The following DIP2C variants were observed in gnomAD, a reference collection of about 807,000 sequenced individuals.
DIP2C encodes disco-interacting protein 2 homolog C.
DIP2C carries 33 observed loss-of-function variants against 192.4 expected under a neutral mutation model. The ratio of observed to expected loss-of-function variants is 0.17; its 90% CI spans 0.13 to 0.23. The LOEUF is 0.23. Ranked by LOEUF, DIP2C falls within the 10% of genes least tolerant of loss-of-function variation. The pLI is 1.00. For synonymous variants in DIP2C, 979 were observed against 864.1 expected, an observed-to-expected ratio of 1.13 and a Z score of -2.33; for missense variants, 1,537 against 2,110.1, an observed-to-expected ratio of 0.73 and a Z score of 5.32.
chr10:625,380 A>C (rs1014354849), intron 1 of DIP2C, among the ~76,000 whole-genome samples: 7 of 152,224 alleles, frequency 4.6e-5, no homozygotes, highest in Non-Finnish European at 8.8e-5. Flanking sequence ...GTAGGAGCCG[A>C]TTCCTAAATT....
At chr10:548,437 C>CGGGAGGGA (rs1848412613) in intron 1 of DIP2C, among the ~76,000 whole-genome samples, 4 of 107,146 alleles carry the variant, frequency 3.7e-5, no homozygotes, top group East Asian at 7.3e-4. Flanking sequence ...CGGAGGCCAC[C>CGGGAGGGA]GGGATGGAGG....
At chr10:370,138 A>G (rs1016263188) in intron 17 of DIP2C, 49 of 725,100 alleles carry the variant, frequency 6.8e-5, no homozygotes, top group Middle Eastern at 7.1e-4. Context: ...CGTATGCCCA[A>G]TTTTATAAGA....
At chr10:337,669 G>A (rs1355685166) in intron 29 of DIP2C, among the ~76,000 whole-genome samples, 8 of 144,470 alleles carry the variant, frequency 5.5e-5, no homozygotes, top group African/African-American at 1.5e-4. Context: ...GTGTGTACGC[G>A]TGTGTGTTGT....
intron 1 of DIP2C, among the ~76,000 whole-genome samples, chr10:578,288 AAC>A (rs1850308063): frequency 6.6e-6 from 1 of 152,352 alleles, no homozygotes; most frequent in Middle Eastern, 3.4e-3. Flanking sequence ...CATCATGAAG[AAC>A]ACAAGGCAGT....
At chr10:554,597 C>G (rs952612674) in intron 1 of DIP2C, among the ~76,000 whole-genome samples, 2 of 152,210 alleles carry the variant, frequency 1.3e-5, no homozygotes, top group Admixed American at 6.5e-5. Context: ...ACAGAAGGGG[C>G]AAGACCCCGG....
intron 1 of DIP2C, among the ~76,000 whole-genome samples, chr10:604,955 A>G (rs1018507442): frequency 2.0e-5 from 3 of 152,192 alleles, no homozygotes; most frequent in Admixed American, 6.5e-5. Flanking sequence ...ACTCAGCCCA[A>G]GGGTGCGGGG....
At chr10:585,407 A>AT (rs1163962192) in intron 1 of DIP2C, among the ~76,000 whole-genome samples, 1 of 152,246 alleles carries the variant, frequency 6.6e-6, no homozygotes, top group Non-Finnish European at 1.5e-5. Flanking sequence ...TCCACATAGT[A>AT]TTACATTCAG....
chr10:559,247 G>T (rs533149138), intron 1 of DIP2C, among the ~76,000 whole-genome samples: 1 of 151,720 alleles, frequency 6.6e-6, no homozygotes, highest in East Asian at 1.9e-4. Context: ...CCCTCGATCC[G>T]GGACCACAGA....
chr10:393,778 CAAAAAAAAAAAA>C (rs34390976), intron 10 of DIP2C, among the ~76,000 whole-genome samples: 6 of 66,734 alleles, frequency 9.0e-5, no homozygotes, highest in South Asian at 6.3e-4. Flanking sequence ...GACTCCGTCT[CAAAAAAAAAAAA>C]AAAAAAGAAA....
chr10:573,990 C>G (rs545324809), intron 1 of DIP2C, among the ~76,000 whole-genome samples: 3 of 152,330 alleles, frequency 2.0e-5, no homozygotes, highest in African/African-American at 4.8e-5. Flanking sequence ...CTCCCTGTCA[C>G]TTTCCTCAAC....
At chr10:597,742 T>C (rs1057380112) in intron 1 of DIP2C, among the ~76,000 whole-genome samples, 1 of 152,202 alleles carries the variant, frequency 6.6e-6, no homozygotes, top group Non-Finnish European at 1.5e-5. Context: ...TGTCCCTTCA[T>C]GTTTTTATAC....
rs11252281 is a variant in DIP2C at position 414,741 on chromosome 10, A to C, written c.860-631T>G. On this transcript the variant is annotated intron_variant, in intron 7 of 36. Coordinates refer to ENST00000280886, the MANE Select transcript of DIP2C (RefSeq NM_014974.3). The stretch of plus-strand genomic sequence containing the variant: ...TGTGTGTGTGTGTGTGTGTGTGTGT[A>C]CATATATATATATATAATGTGTATA... 4.8e-5 allele frequency among the ~76,000 whole-genome samples: 3 copies of C among 62,772 alleles called. 1 individual carries two copies. Among genetic ancestry groups the C allele is most frequent in the Non-Finnish European group, 8.3e-5 (3 of 36,166 alleles). The allele number at this position is 62,772 out of a possible 152,430, so 41.2% of individuals were successfully genotyped here.
rs757936534 is a variant in DIP2C, at chr10:419,047, C to G, written c.739+18G>C. ...AACCGTTTACCAGAAAAAAACGCAT[C>G]TCTCCTTTGGGACGTACCATCCCCG... On this transcript the variant is annotated intron_variant, in intron 6 of 36. Coordinates refer to ENST00000280886, the MANE Select transcript of DIP2C (RefSeq NM_014974.3). 2.5e-6 allele frequency: 4 copies of G among 1,614,216 alleles called. No individual in the cohort carries two copies. The highest frequency in any genetic ancestry group is 3.4e-6 in the Non-Finnish European group (4 of 1,180,014).
intron 1 of DIP2C, among the ~76,000 whole-genome samples, chr10:638,730 A>G (rs816575): frequency 0.95 from 144,381 of 152,256 alleles, 68,718 homozygotes; most frequent in South Asian, 0.99. Flanking sequence ...CAGGTTTGCC[A>G]GCATTGGAGC....
chr10:537,169 C>A (rs1327562161), intron 1 of DIP2C, among the ~76,000 whole-genome samples: 1 of 151,982 alleles, frequency 6.6e-6, no homozygotes, highest in Non-Finnish European at 1.5e-5. Flanking sequence ...GAGGCAAGGC[C>A]GTATGAAGGA....
rs74115047 is a variant in DIP2C, at chr10:540,406, T to G, written c.86-53876A>C. ...CTGAGATCACACAGAGCTTCCACCT[T>G]CCCACATCTTCAATAGTTCCTTTAC... On this transcript the variant is annotated intron_variant, in intron 1 of 36. Transcript: ENST00000280886. 6.6e-3 allele frequency among the ~76,000 whole-genome samples: 1,009 copies of G among 152,294 alleles called. 13 individuals are homozygous for G. The highest frequency in any genetic ancestry group is 0.023 in the African/African-American group (956 of 41,564).
Position 415,816 on chromosome 10 carries a change from G to T in DIP2C, c.812C>A (p.Pro271Gln), listed in dbSNP as rs1024082631. The T allele has an allele frequency of 6.2e-7, 1 of 1,613,758 alleles. No homozygotes were observed. Among genetic ancestry groups the T allele is most frequent in the Non-Finnish European group, 8.5e-7 (1 of 1,179,992 alleles). ...LVNTLKRPKR[P>Q]PLREFFVDDF... ...ATCGACAAAGAATTCTCGTAAAGGT[G>T]GTCGTTTCGGTCGTTTGAGGGTATT... The change falls in exon 7 of 37, where the codon CCA becomes CAA. Residue 271 changes from proline (P) to glutamine (Q), a missense_variant. Coordinates refer to ENST00000280886, the MANE Select transcript of DIP2C (RefSeq NM_014974.3).
In DIP2C at chr10:472,691, G is replaced by A. The variant is rs370836498; in HGVS notation, c.158-142C>T. The A allele has an allele frequency of 5.6e-6, 4 of 711,340 alleles. No individual in the cohort carries two copies. The Admixed American group carries it at 9.7e-5, about 17-fold the overall frequency. 44.1% of individuals were successfully genotyped at this position (711,340 alleles called of 1,614,324 possible). A position where few individuals can be genotyped will look rare whatever the true frequency, so the allele number is the denominator to read the frequency against. ...GCATGGCGGCGCCTCAGAGCCCACA[G>A]ACAGGAGGGCCAGGACTGAGGAGGA... On this transcript the variant is annotated intron_variant, in intron 2 of 36. Transcript: ENST00000280886.
At chr10:450,089 C>T (rs1380291125) in intron 3 of DIP2C, among the ~76,000 whole-genome samples, 1 of 152,154 alleles carries the variant, frequency 6.6e-6, no homozygotes, top group Admixed American at 6.5e-5. Context: ...GATTCACGGA[C>T]GTTTCTGAAA....
Sources: gnomAD v4.1 joint callset for allele counts (sites outside exome capture counted in the v4.1 genomes callset) on GRCh38, gnomAD v4.1.1 for gene constraint, MANE v1.5 for transcripts, NCBI Gene and HGNC (gene_info 2026-07-23, HGNC 2026-07-21) for gene names.